PASD1: variants seen among roughly 807,000 people sequenced by gnomAD.
PASD1 encodes the protein circadian clock protein PASD1.
In PASD1, 13 loss-of-function variants were observed where a neutral mutation model predicts 58.8. The observed-to-expected ratio is 0.22, with a 90% CI of 0.14 to 0.35. The LOEUF (loss-of-function observed/expected upper bound fraction) is 0.35. Ranked by LOEUF, PASD1 falls within the 10% of genes least tolerant of loss-of-function variation. The probability of loss-of-function intolerance (pLI) is 1.00; values close to 1 mark genes in which losing one functional copy is unlikely to be tolerated. For synonymous variants in PASD1, 236 were observed against 216.7 expected (o/e 1.09, Z -0.78); for missense variants, 734 against 568.3 (o/e 1.29, Z -2.96).
At chrX:151,583,704 A>G (rs1299425810) in intron 1 of PASD1, among the ~76,000 whole-genome samples, 2 of 112,197 alleles carry the variant, frequency 1.8e-5, no homozygotes, top group Non-Finnish European at 3.8e-5. Context: ...TTGACTGTGA[A>G]CTTTGTGAGG....
intron 1 of PASD1, among the ~76,000 whole-genome samples, chrX:151,583,655 T>A (rs1411268719): frequency 1.8e-5 from 2 of 112,436 alleles, no homozygotes; most frequent in Non-Finnish European, 3.7e-5. Context: ...TCCTTTCTAA[T>A]TGTGGAGTTA....
At position 151,653,543 on chromosome X, in the gene PASD1, CGG is replaced by C. The variant is rs762322591; in HGVS notation, c.717+4843_717+4844del. ...CCTTACATTTGTTGGCATTTGATGA[CGG>C]GTGTGAGAAAAAGAGAGGAGTTAGG... On this transcript the variant is annotated intron_variant, in intron 9 of 15. Coordinates refer to ENST00000370357, the MANE Select transcript of PASD1 (RefSeq NM_173493.3). Among the ~76,000 whole-genome samples, 9 of 110,052 alleles carry C rather than the reference CGG, an allele frequency of 8.2e-5. No homozygotes were observed. In the East Asian group the frequency reaches 2.6e-3, roughly 32 times the overall value.
At chrX:151,566,911 G>A (rs762658562) in intron 1 of PASD1, among the ~76,000 whole-genome samples, 12 of 109,283 alleles carry the variant, frequency 1.1e-4, no homozygotes, top group African/African-American at 4.0e-4. Context: ...TACTAAGCCC[G>A]GTGCGTGCCT....
At chrX:151,601,481 C>T (rs1228226687) in intron 1 of PASD1, 46 bp from the exon 2 acceptor site, 4 of 1,010,228 alleles carry the variant, frequency 4.0e-6, no homozygotes, top group Non-Finnish European at 4.2e-6. Flanking sequence ...CTGTGATTCA[C>T]CATAGACTGA....
At chrX:151,646,822 A>C (rs1313701552) in intron 8 of PASD1, among the ~76,000 whole-genome samples, 1 of 112,875 alleles carries the variant, frequency 8.9e-6, no homozygotes, top group African/African-American at 3.2e-5. Flanking sequence ...AATATCCATT[A>C]AGCACATAGT....
intron 4 of PASD1, among the ~76,000 whole-genome samples, chrX:151,617,827 A>G (rs1422530740): frequency 9.0e-6 from 1 of 111,565 alleles, no homozygotes; most frequent in East Asian, 2.8e-4. Context: ...CAACAATTGG[A>G]GAAGCCTTAA....
At chrX:151,640,031 T>G (rs772057248) in intron 8 of PASD1, among the ~76,000 whole-genome samples, 2 of 111,905 alleles carry the variant, frequency 1.8e-5, no homozygotes, top group South Asian at 7.6e-4. Flanking sequence ...TCTTGTTGCT[T>G]TATTTCCCCG....
intron 4 of PASD1, among the ~76,000 whole-genome samples, chrX:151,613,203 C>A (rs1163320942): frequency 9.0e-6 from 1 of 111,502 alleles, no homozygotes; most frequent in Non-Finnish European, 1.9e-5. Context: ...CAGTACCATG[C>A]TGTTTTGGTT....
chrX:151,625,572 C>G (rs1443794284), intron 8 of PASD1, 42 bp downstream of exon 8: 21 of 990,521 alleles, frequency 2.1e-5, no homozygotes, highest in Non-Finnish European at 2.9e-5. Flanking sequence ...ATCTAGAATT[C>G]AATTTTACTA....
rs749613417 is a variant in PASD1, at chrX:151,622,953, T to C, written c.435T>C (p.Phe145=). 1.7e-6 allele frequency: 2 copies of C among 1,209,000 alleles called. No homozygotes were observed. The highest frequency in any genetic ancestry group is 3.0e-5 in the East Asian group (1 of 33,806). ...CTTCCTTAGAGTTTCCTGTGGTCTT[T>C]AGTGGCTTGTTTTCCAGCCACCTCT... ...RDICNEFPVV[F]SGLFSSHLCA... is the part of the protein sequence containing the mutation. The change falls in exon 7 of 16, where the codon TTT becomes TTC. Residue 145 remains phenylalanine (F), a synonymous_variant. Transcript: ENST00000370357.
intron 3 of PASD1, among the ~76,000 whole-genome samples, chrX:151,608,923 ATTGT>A (rs1334438683): frequency 9.0e-6 from 1 of 111,192 alleles, no homozygotes; most frequent in Non-Finnish European, 1.9e-5. Context: ...CACTCCTAAT[ATTGT>A]TTGTGTTTTT....
intron 1 of PASD1, among the ~76,000 whole-genome samples, chrX:151,575,897 C>T (rs2012997064): frequency 9.2e-6 from 1 of 108,201 alleles, no homozygotes; most frequent in South Asian, 4.1e-4. Flanking sequence ...AGAGTCTCAC[C>T]CTGTCACCCA....
intron 9 of PASD1, among the ~76,000 whole-genome samples, chrX:151,657,480 G>C (rs192806071): frequency 5.5e-4 from 61 of 111,315 alleles, no homozygotes; most frequent in Non-Finnish European, 1.0e-3. Flanking sequence ...CTGTGAGTCC[G>C]TCTGGTCCCG....
intron 1 of PASD1, among the ~76,000 whole-genome samples, chrX:151,580,508 C>CTTTTTTTTTT (rs200293926): frequency 4.5e-5 from 3 of 67,184 alleles, no homozygotes; most frequent in Non-Finnish European, 6.0e-5. Flanking sequence ...TTCTTTTTTT[C>CTTTTTTTTTT]TTTTTTTTTT....
chrX:151,614,073 C>T (rs1602931883), intron 4 of PASD1, among the ~76,000 whole-genome samples: 1 of 110,027 alleles, frequency 9.1e-6, no homozygotes, highest in South Asian at 4.0e-4. Flanking sequence ...CAACCTCTGC[C>T]TCCTGGGTTC....
chrX:151,670,850 CATTT>C (rs1323904463), intron 11 of PASD1, among the ~76,000 whole-genome samples, 184 bp from the exon 12 acceptor site: 1 of 112,189 alleles, frequency 8.9e-6, no homozygotes, highest in Non-Finnish European at 1.9e-5. Context: ...CTCCGTGGTC[CATTT>C]CTTATCTAGA....
intron 1 of PASD1, among the ~76,000 whole-genome samples, chrX:151,600,017 C>T (rs1036712453): frequency 5.3e-5 from 6 of 112,299 alleles, no homozygotes; most frequent in Non-Finnish European, 1.1e-4. Flanking sequence ...AATCCCGGCA[C>T]CTCGGGACGC....
chrX:151,646,790 T>G (rs1047257617), intron 8 of PASD1, among the ~76,000 whole-genome samples: 1 of 112,734 alleles, frequency 8.9e-6, no homozygotes, highest in Non-Finnish European at 1.9e-5. Context: ...TTTTATCTGT[T>G]TATTCCTTTA....
intron 9 of PASD1, among the ~76,000 whole-genome samples, chrX:151,653,157 T>C (rs2014154218): frequency 9.4e-6 from 1 of 106,804 alleles, no homozygotes; most frequent in Admixed American, 1.0e-4. Context: ...GGTCAGATTC[T>C]GAAAATATAT....
Sources: allele counts gnomAD v4.1 joint callset (sites outside exome capture counted in the v4.1 genomes callset), GRCh38; gene constraint gnomAD v4.1.1; transcripts MANE v1.5; gene names NCBI Gene and HGNC (gene_info 2026-07-23, HGNC 2026-07-21).